CPNE1: variants seen among roughly 807,000 people sequenced by gnomAD.
The protein encoded by CPNE1 is copine-1.
In CPNE1, 58 loss-of-function variants were observed where a neutral mutation model predicts 63.2. The observed-to-expected ratio is 0.92, with a 90% CI of 0.74 to 1.14. CPNE1 has a LOEUF of 1.14. Ranked by LOEUF, CPNE1 falls within the 50% of genes most tolerant of loss-of-function variation. CPNE1 has a pLI of 0.00. For missense variants in CPNE1, 672 were observed against 661.7 expected, an observed-to-expected ratio of 1.02 and a Z score of -0.17; for synonymous variants, 237 against 249.0, an observed-to-expected ratio of 0.95 and a Z score of 0.45.
intron 1 of CPNE1, among the ~76,000 whole-genome samples, chr20:35,646,419 T>G (rs904334431): frequency 6.8e-6 from 1 of 147,070 alleles, no homozygotes; most frequent in African/African-American, 2.6e-5. Context: ...AGACAGGGTC[T>G]TGCTATGTTA....
intron 1 of CPNE1, among the ~76,000 whole-genome samples, chr20:35,658,406 C>T (rs1239969453): frequency 6.6e-6 from 1 of 152,042 alleles, no homozygotes; most frequent in African/African-American, 2.4e-5. Context: ...AAATTGACCC[C>T]CAAAGGAACA....
chr20:35,656,124 CTA>C lies in CPNE1; in HGVS notation c.-1+8634_-1+8635del, dbSNP rs140393493. On this transcript the variant is annotated intron_variant, in intron 1 of 15. Coordinates refer to ENST00000397443, the MANE Select transcript of CPNE1 (RefSeq NM_152925.3). ...CTGGTTATAGTCCCATTCACTGTGA[CTA>C]TTTTAATTAAAACTCAGGTCCAATG... 8.1e-3 allele frequency among the ~76,000 whole-genome samples: 1,228 copies of C among 152,290 alleles called. 18 individuals are homozygous for C. The highest frequency in any genetic ancestry group is 0.028 in the African/African-American group (1,172 of 41,554).
chr20:35,645,081 C>T (rs1263866294), intron 1 of CPNE1, among the ~76,000 whole-genome samples: 1 of 152,132 alleles, frequency 6.6e-6, no homozygotes, highest in Non-Finnish European at 1.5e-5. Context: ...TGATGATCTC[C>T]AGGACTGAGG....
intron 1 of CPNE1, chr20:35,655,144 G>A (rs2033820963): frequency 6.2e-7 from 1 of 1,614,028 alleles, no homozygotes; most frequent in African/African-American, 1.3e-5. Flanking sequence ...TGTACCACCT[G>A]TGCGCATCAT....
At chr20:35,662,359 TAATTA>T (rs1024469297) in intron 1 of CPNE1, among the ~76,000 whole-genome samples, 21 of 151,758 alleles carry the variant, frequency 1.4e-4, no homozygotes, top group Non-Finnish European at 1.3e-4. Context: ...GCTTTAAACT[TAATTA>T]AATTTTGTGC....
intron 1 of CPNE1, chr20:35,655,173 A>T: frequency 6.2e-7 from 1 of 1,614,200 alleles, no homozygotes; most frequent in Non-Finnish European, 8.5e-7. Context: ...TTGCATCTTC[A>T]TCAGTGGCAA....
At position 35,654,291 on chromosome 20, in the gene CPNE1, C is replaced by T. The variant is rs761791531; in HGVS notation, c.-1+10469G>A. ...GGGAGAGAAACTTAACCAATCCATT[C>T]CCATTATTTCGACCTACATGATCTT... On this transcript the variant is annotated intron_variant, in intron 1 of 15. Transcript: ENST00000397443. The T allele has an allele frequency of 2.5e-6, 4 of 1,614,142 alleles. No homozygotes were observed. The East Asian group carries it at 8.9e-5, about 36-fold the overall frequency.
At chr20:35,653,086 G>T (rs768120037) in intron 1 of CPNE1, 16 of 1,613,720 alleles carry the variant, frequency 9.9e-6, no homozygotes, top group Non-Finnish European at 8.5e-6. Context: ...ATCACCAAAG[G>T]CCCCGCCTCC....
chr20:35,648,052 C>T (rs1194472710), intron 1 of CPNE1, among the ~76,000 whole-genome samples: 1 of 146,604 alleles, frequency 6.8e-6, no homozygotes, highest in Non-Finnish European at 1.5e-5. Flanking sequence ...GCAACAGATA[C>T]AGACTCCATC....
chr20:35,654,897 T>A (rs774664930), intron 1 of CPNE1: 1 of 1,614,096 alleles, frequency 6.2e-7, no homozygotes, highest in Admixed American at 1.7e-5. Flanking sequence ...TTTTGTTGCT[T>A]TCATGAACAG....
In CPNE1 at chr20:35,630,891, A is replaced by G. The variant is rs1369547446; in HGVS notation, c.995+10T>C. 1 of 1,603,400 alleles carries G rather than the reference A, an allele frequency of 6.2e-7. No individual in the cohort carries two copies. The highest frequency in any genetic ancestry group is 2.2e-5 in the East Asian group (1 of 44,840). On this transcript the variant is annotated intron_variant, in intron 11 of 15. Coordinates refer to ENST00000397443, the MANE Select transcript of CPNE1 (RefSeq NM_152925.3). ...GGGAGCGGGTATAGCCCAGAGAAGC[A>G]GGTACTCACGAGTCATAGTCCTGAA...
intron 14 of CPNE1, 94 bp downstream of exon 14, chr20:35,627,186 T>TAAA: frequency 1.7e-6 from 1 of 602,234 alleles, no homozygotes; most frequent in Non-Finnish European, 2.2e-6. Flanking sequence ...AGAGTCCATC[T>TAAA]CAAAAAAAAA....
chr20:35,626,331 T>A lies in CPNE1; in HGVS notation c.1524A>T (p.Gln508His). Residue 508 changes from glutamine (Q) to histidine (H), a missense_variant, in exon 16 of 16, where the codon CAA (glutamine) becomes CAT (histidine). Physicochemically the swap from Gln to His is conservative, Grantham distance 24 (BLOSUM62 0). Transcript: ENST00000397443. ...CCTGGGCCCTGAAGTATGAGACCAG[T>A]TGTGTGGGCACTTCTGCGAGCACGG... ...AQTVLAEVPT[Q>H]LVSYFRAQGW... The A allele has an allele frequency of 1.3e-5, 21 of 1,614,022 alleles. No homozygotes were observed. The highest frequency in any genetic ancestry group is 1.8e-5 in the Non-Finnish European group (21 of 1,179,980).
At chr20:35,663,258 T>C (rs866316067) in intron 1 of CPNE1, among the ~76,000 whole-genome samples, 1 of 152,202 alleles carries the variant, frequency 6.6e-6, no homozygotes, top group Non-Finnish European at 1.5e-5. Flanking sequence ...AGTTCTATAA[T>C]TTAAAAAACA....
At chr20:35,648,721 C>T (rs73616688) in intron 1 of CPNE1, among the ~76,000 whole-genome samples, 1 of 152,220 alleles carries the variant, frequency 6.6e-6, no homozygotes, top group Non-Finnish European at 1.5e-5. Flanking sequence ...ATACTATGGA[C>T]TTGAATCAAG....
chr20:35,631,266 A>G lies in CPNE1; in HGVS notation c.801+2T>C. On this transcript the variant is annotated splice_donor_variant, in intron 9 of 15. Transcript: ENST00000397443. LOFTEE classifies it high-confidence loss of function. ...CCTTGGTTACATGGGCTTTTGTCTCACCCGACAAATCTTGACACGGATAGT... is the reference window on the plus strand; with the variant it reads ...CCTTGGTTACATGGGCTTTTGTCTCGCCCGACAAATCTTGACACGGATAGT... 2 of 1,614,022 alleles carry G rather than the reference A, an allele frequency of 1.2e-6. No individual in the cohort carries two copies. The highest frequency in any genetic ancestry group is 1.7e-6 in the Non-Finnish European group (2 of 1,179,952).
intron 13 of CPNE1, among the ~76,000 whole-genome samples, chr20:35,628,302 A>C (rs2031898434): frequency 6.6e-6 from 1 of 151,664 alleles, no homozygotes; most frequent in Admixed American, 6.6e-5. Flanking sequence ...AAAAAATAAA[A>C]AATAAATTAA....
At chr20:35,654,649 G>A (rs988746137) in intron 1 of CPNE1, 4 of 1,613,834 alleles carry the variant, frequency 2.5e-6, no homozygotes, top group East Asian at 4.5e-5. Context: ...TGGGGGAATC[G>A]GGGGCACAGG....
intron 13 of CPNE1, among the ~76,000 whole-genome samples, chr20:35,628,443 C>T (rs1239692469): frequency 2.0e-5 from 3 of 152,002 alleles, no homozygotes; most frequent in Admixed American, 6.6e-5. Flanking sequence ...GTAGATCTTA[C>T]CTTAACTAAG....
Sources: gnomAD v4.1 joint callset for allele counts (sites outside exome capture counted in the v4.1 genomes callset) on GRCh38, gnomAD v4.1.1 for gene constraint, MANE v1.5 for transcripts, NCBI Gene and HGNC (gene_info 2026-07-23, HGNC 2026-07-21) for gene names.